The following TCTN3 variants were observed in gnomAD, a reference collection of about 807,000 sequenced individuals.
TCTN3 encodes tectonic-3.
In TCTN3, 57 loss-of-function variants were observed where a neutral mutation model predicts 71.3. That is an observed-to-expected ratio of 0.80 (90% CI 0.65 to 1.00). The LOEUF (loss-of-function observed/expected upper bound fraction) is 1.00, where lower values mean the gene tolerates loss of function less well. Among genes scored for constraint, TCTN3 ranks in the 50% least tolerant of loss-of-function variants. The pLI, the probability that TCTN3 is intolerant of heterozygous loss-of-function variation, is 0.00. For missense variants in TCTN3, 696 were observed against 719.9 expected (o/e 0.97, Z 0.38); for synonymous variants, 258 against 267.8 (o/e 0.96, Z 0.36).
At chr10:95,671,997 G>A (rs2097931970) in intron 13 of TCTN3, among the ~76,000 whole-genome samples, 1 of 152,076 alleles carries the variant, frequency 6.6e-6, no homozygotes, top group Non-Finnish European at 1.5e-5. Flanking sequence ...TTAGTTCAAT[G>A]AGTTTTGCCA....
At position 95,687,692 on chromosome 10, in the gene TCTN3, T is replaced by C. The variant is rs200990125; in HGVS notation, c.527A>G (p.Gln176Arg). 1 of 1,614,020 alleles carries C rather than the reference T, an allele frequency of 6.2e-7. No homozygotes were observed. The highest frequency in any genetic ancestry group is 1.1e-5 in the South Asian group (1 of 91,050). The change falls in exon 4 of 14, where the codon CAA becomes CGA. Residue 176 changes from glutamine to arginine, a missense_variant. Transcript: ENST00000371217. The part of the protein sequence containing the change: ...NSNLNYFQKL[Q>R]KVNATNFQAL... ...CTGGAAGTTGGTTGCATTGACCTTT[T>C]GAAGCTTCTGGAAATAGTTTAAGTT...
chr10:95,667,129 T>C (rs2097926438), intron 13 of TCTN3, among the ~76,000 whole-genome samples: 1 of 152,278 alleles, frequency 6.6e-6, no homozygotes, highest in African/African-American at 2.4e-5. Flanking sequence ...GTATATATAT[T>C]AATATCTTTC....
rs1566077880 is a variant in TCTN3 at position 95,693,346 on chromosome 10, A to C, written c.380+7T>G. ...CTTTAGGATTCAGTCTGAGCAACGA[A>C]GCTCACCTTACGCTGCCTGGAAGGC... On this transcript the variant is annotated splice_region_variant and intron_variant, in intron 2 of 13. Coordinates refer to ENST00000371217, the MANE Select transcript of TCTN3 (RefSeq NM_015631.6). The C allele has an allele frequency of 1.9e-6, 3 of 1,551,804 alleles. No individual in the cohort carries two copies. Among genetic ancestry groups the C allele is most frequent in the East Asian group, 2.4e-5 (1 of 40,926 alleles).
chr10:95,686,818 C>G (rs891353244), intron 6 of TCTN3, among the ~76,000 whole-genome samples: 1 of 152,202 alleles, frequency 6.6e-6, no homozygotes, highest in Non-Finnish European at 1.5e-5. Flanking sequence ...CTTCCACCCT[C>G]GCAAGCCAAT....
intron 13 of TCTN3, among the ~76,000 whole-genome samples, chr10:95,666,024 TC>T (rs756040359): frequency 6.6e-5 from 10 of 151,678 alleles, no homozygotes; most frequent in Non-Finnish European, 1.3e-4. Flanking sequence ...CACTGCAAGC[TC>T]TGCCTCCCAG....
At chr10:95,682,091 G>A (rs1463483005) in intron 12 of TCTN3, among the ~76,000 whole-genome samples, 3 of 151,444 alleles carry the variant, frequency 2.0e-5, no homozygotes, top group Non-Finnish European at 2.9e-5. Flanking sequence ...GCTACTCGAG[G>A]GGCTGAGGTG....
At position 95,685,536 on chromosome 10, in the gene TCTN3, T is replaced by C; in HGVS notation, c.969+20A>G. ...TTGATTAACACACATCAGTCCAGAA[T>C]CTGAGGTCAGTATCCCTACCTGAGA... is the stretch of plus-strand genomic sequence containing the variant. On this transcript the variant is annotated intron_variant, in intron 8 of 13. Coordinates refer to ENST00000371217, the MANE Select transcript of TCTN3 (RefSeq NM_015631.6). The C allele has an allele frequency of 6.5e-7, 1 of 1,541,326 alleles. No homozygotes were observed. Among genetic ancestry groups the C allele is most frequent in the Non-Finnish European group, 8.8e-7 (1 of 1,137,764 alleles).
intron 1 of TCTN3, 37 bp downstream of exon 1, chr10:95,693,607 A>G (rs1257151909): frequency 6.5e-7 from 1 of 1,547,508 alleles, no homozygotes; most frequent in Non-Finnish European, 8.7e-7. Flanking sequence ...TTTAGATCTC[A>G]GAAGTAAGTT....
chr10:95,669,322 A>G (rs1230578653), intron 13 of TCTN3, among the ~76,000 whole-genome samples: 1 of 152,238 alleles, frequency 6.6e-6, no homozygotes. Flanking sequence ...AGAAATGACA[A>G]ATGTTCAAGG....
In TCTN3 at chr10:95,682,554, A is replaced by G; in HGVS notation, c.1452+97T>C. ...ATACTCTTCCTTCTATGACAAATGC[A>G]TTATCTATGGAGACAAGGCTGGTTT... On this transcript the variant is annotated intron_variant, in intron 12 of 13. Coordinates refer to ENST00000371217, the MANE Select transcript of TCTN3 (RefSeq NM_015631.6). 2.2e-6 allele frequency: 3 copies of G among 1,382,910 alleles called. No homozygotes were observed. In the South Asian group the frequency reaches 4.3e-5, roughly 20 times the overall value. 85.7% of individuals were successfully genotyped at this position (1,382,910 alleles called of 1,614,324 possible). A position where few individuals can be genotyped will look rare whatever the true frequency, so the allele number is the denominator to read the frequency against.
At chr10:95,665,202 G>A (rs1288218440) in intron 13 of TCTN3, among the ~76,000 whole-genome samples, 1 of 152,096 alleles carries the variant, frequency 6.6e-6, no homozygotes, top group Non-Finnish European at 1.5e-5. Context: ...TTGACCTCCT[G>A]GGCTCAAGTG....
chr10:95,685,841 T>C lies in TCTN3; in HGVS notation c.889-205A>G, dbSNP rs889823697. ...CTTATTTCTCAGAACACTAGTTCTA[T>C]TAAATATAAAACAAGGGTTCCATAG... On this transcript the variant is annotated intron_variant, in intron 7 of 13. Coordinates refer to ENST00000371217, the MANE Select transcript of TCTN3 (RefSeq NM_015631.6). Among the ~76,000 whole-genome samples, 51 of 152,358 alleles carry C rather than the reference T, an allele frequency of 3.3e-4. 1 individual carries two copies. The highest frequency in any genetic ancestry group is 3.3e-3 in the Admixed American group (51 of 15,300).
intron 9 of TCTN3, among the ~76,000 whole-genome samples, chr10:95,683,851 CT>C (rs751638000): frequency 2.0e-5 from 3 of 152,092 alleles, no homozygotes; most frequent in Non-Finnish European, 4.4e-5. Flanking sequence ...TCATAATACG[CT>C]ACTTTTACCA....
chr10:95,685,782 A>T, intron 7 of TCTN3, 146 bp from the exon 8 acceptor site: 1 of 624,134 alleles, frequency 1.6e-6, no homozygotes, highest in Non-Finnish European at 2.8e-6. Flanking sequence ...CAACAACTTA[A>T]ATTCAAGTCT....
intron 13 of TCTN3, among the ~76,000 whole-genome samples, chr10:95,675,879 G>A (rs1193384485): frequency 2.6e-5 from 4 of 152,160 alleles, no homozygotes; most frequent in African/African-American, 9.7e-5. Flanking sequence ...TGTGGCAGAG[G>A]TTCTTAGCCT....
At chr10:95,687,958 A>G (rs1232290105) in intron 3 of TCTN3, among the ~76,000 whole-genome samples, 1 of 152,152 alleles carries the variant, frequency 6.6e-6, no homozygotes, top group Non-Finnish European at 1.5e-5. Context: ...TCTGATTTCC[A>G]TCACTTCTTA....
chr10:95,676,887 C>A (rs191740661), intron 13 of TCTN3, among the ~76,000 whole-genome samples: 47 of 152,086 alleles, frequency 3.1e-4, no homozygotes, highest in African/African-American at 1.1e-3. Context: ...TCTGTACAAC[C>A]CAATGAGTAT....
In TCTN3 at chr10:95,686,498, C is replaced by T. The variant is rs201493612; in HGVS notation, c.885G>A (p.Met295Ile). 47 of 1,614,098 alleles carry T rather than the reference C, an allele frequency of 2.9e-5. No individual in the cohort carries two copies. The highest frequency in any genetic ancestry group is 3.4e-6 in the Non-Finnish European group (4 of 1,179,978). ...VPRSMTDPQN[M>I]EFQVPVILTS... ...TCCTGGTACAACAGCATCATACCTCCATATTCTGTGGATCAGTCATGCTTC... is the reference window on the plus strand; with the variant it reads ...TCCTGGTACAACAGCATCATACCTCTATATTCTGTGGATCAGTCATGCTTC... The change falls in exon 7 of 14, where the codon ATG (methionine) becomes ATA (isoleucine). Residue 295 changes from methionine to isoleucine, a missense_variant. By Grantham distance (10) the Met-to-Ile change is conservative. Coordinates refer to ENST00000371217, the MANE Select transcript of TCTN3 (RefSeq NM_015631.6).
intron 13 of TCTN3, among the ~76,000 whole-genome samples, chr10:95,668,204 A>AT: frequency 6.6e-6 from 1 of 151,724 alleles, no homozygotes; most frequent in South Asian, 2.1e-4. Flanking sequence ...ACGAGAGAAA[A>AT]GAAAAATAGA....
Sources: gnomAD v4.1 joint callset for allele counts (sites outside exome capture counted in the v4.1 genomes callset) on GRCh38, gnomAD v4.1.1 for gene constraint, MANE v1.5 for transcripts, NCBI Gene and HGNC (gene_info 2026-07-23, HGNC 2026-07-21) for gene names.